The following UTRN variants were observed in gnomAD, a reference collection of about 807,000 sequenced individuals.
The protein encoded by UTRN is dystrophin-related protein 1.
A neutral mutation model predicts 463.9 loss-of-function variants in UTRN; 283 were observed. The ratio of observed to expected loss-of-function variants is 0.61; its 90% CI spans 0.55 to 0.67. The LOEUF is 0.67. UTRN is among the 30% of genes least tolerant of loss of function. The pLI, the probability that UTRN is intolerant of heterozygous loss-of-function variation, is 0.00. For synonymous variants in UTRN, 1,442 were observed against 1,431.5 expected, an observed-to-expected ratio of 1.01 and a Z score of -0.17; for missense variants, 3,922 against 4,084.3, an observed-to-expected ratio of 0.96 and a Z score of 1.08.
chr6:144,478,256 T>C lies in UTRN; in HGVS notation c.3337-1556T>C, dbSNP rs76996722. ...AAATAGAAAGTATATATTCTCAGGA[T>C]AATTAAAGATAATTTTGAGGGTGTT... is the stretch of plus-strand genomic sequence containing the variant. On this transcript the variant is annotated intron_variant, in intron 25 of 74. Transcript: ENST00000367545. Among the ~76,000 whole-genome samples, 1,290 of 152,340 alleles carry C rather than the reference T, an allele frequency of 8.5e-3. 15 individuals carry two copies. Among genetic ancestry groups the C allele is most frequent in the African/African-American group, 0.03 (1,231 of 41,570 alleles).
intron 55 of UTRN, among the ~76,000 whole-genome samples, chr6:144,749,113 G>T (rs1278990964): frequency 6.6e-6 from 1 of 152,040 alleles, no homozygotes; most frequent in Non-Finnish European, 1.5e-5. Context: ...GTAAGGAATT[G>T]CCCAAAGCTA....
chr6:144,356,740 G>A (rs1001364957), intron 2 of UTRN, among the ~76,000 whole-genome samples: 3 of 152,270 alleles, frequency 2.0e-5, no homozygotes, highest in East Asian at 3.9e-4. Flanking sequence ...TTGAATCTGG[G>A]AGGTGGAGGC....
At chr6:144,626,908 C>T (rs997351524) in intron 51 of UTRN, among the ~76,000 whole-genome samples, 1 of 152,204 alleles carries the variant, frequency 6.6e-6, no homozygotes, top group Non-Finnish European at 1.5e-5. Flanking sequence ...TTCTTATACA[C>T]AAATCACAGT....
chr6:144,643,977 C>T (rs1222414599), intron 51 of UTRN, among the ~76,000 whole-genome samples: 1 of 152,024 alleles, frequency 6.6e-6, no homozygotes, highest in African/African-American at 2.4e-5. Flanking sequence ...CATCATCTTC[C>T]TGAAAAAGGC....
At chr6:144,405,978 A>G (rs935772822) in intron 3 of UTRN, among the ~76,000 whole-genome samples, 1 of 152,268 alleles carries the variant, frequency 6.6e-6, no homozygotes. Context: ...ACGACTAGGT[A>G]AGTTGTGGAA....
At chr6:144,679,107 A>G (rs917843413) in intron 52 of UTRN, among the ~76,000 whole-genome samples, 25 of 152,240 alleles carry the variant, frequency 1.6e-4, no homozygotes, top group African/African-American at 6.0e-4. Flanking sequence ...TGCCTCATTC[A>G]AGATGTATTT....
chr6:144,650,841 G>A (rs759155332), intron 51 of UTRN, among the ~76,000 whole-genome samples: 7 of 152,032 alleles, frequency 4.6e-5, no homozygotes, highest in Non-Finnish European at 8.8e-5. Flanking sequence ...CCCAGGAGAC[G>A]GAGGTTGCAG....
intron 2 of UTRN, among the ~76,000 whole-genome samples, chr6:144,400,322 C>G (rs1472386609): frequency 6.6e-6 from 1 of 152,120 alleles, no homozygotes; most frequent in East Asian, 1.9e-4. Context: ...AACGAATTGG[C>G]TTGATAATGA....
intron 61 of UTRN, among the ~76,000 whole-genome samples, chr6:144,788,979 G>A (rs1330719980): frequency 1.3e-5 from 2 of 152,166 alleles, no homozygotes; most frequent in African/African-American, 4.8e-5. Flanking sequence ...CAAGCTGTGT[G>A]TTCTTCTAGC....
chr6:144,788,786 C>T (rs1776511577), intron 61 of UTRN, among the ~76,000 whole-genome samples: 2 of 152,188 alleles, frequency 1.3e-5, no homozygotes, highest in Admixed American at 6.5e-5. Context: ...TGGTCTCGAA[C>T]TCCTGACCTC....
chr6:144,829,726 T>C (rs1780500432), intron 69 of UTRN, among the ~76,000 whole-genome samples: 2 of 149,382 alleles, frequency 1.3e-5, no homozygotes, highest in Admixed American at 6.7e-5. Flanking sequence ...AAAAAAAAAC[T>C]ATGGAGAGTG....
intron 52 of UTRN, among the ~76,000 whole-genome samples, chr6:144,696,316 A>G (rs1784003514): frequency 6.6e-6 from 1 of 152,098 alleles, no homozygotes; most frequent in Admixed American, 6.5e-5. Context: ...CTATATCTAC[A>G]CTGGTTAATA....
intron 27 of UTRN, among the ~76,000 whole-genome samples, chr6:144,485,137 G>A (rs1792305345): frequency 6.6e-6 from 1 of 151,820 alleles, no homozygotes; most frequent in Admixed American, 6.6e-5. Context: ...TGTTAGCCAG[G>A]ATGGTCTTAA....
rs1379348645 is a variant in UTRN at position 144,759,327 on chromosome 6, T to A, written c.8495+1338T>A. 2.0e-5 allele frequency among the ~76,000 whole-genome samples: 3 copies of A among 152,106 alleles called. No individual in the cohort carries two copies. The East Asian group carries it at 5.8e-4, about 29-fold the overall frequency. ...GAAGATGTGATTATCTAACTGAAAA[T>A]GTTTAAAACTGTTTACATTTTTATT... On this transcript the variant is annotated intron_variant, in intron 58 of 74. Coordinates refer to ENST00000367545, the MANE Select transcript of UTRN (RefSeq NM_007124.3).
intron 23 of UTRN, 83 bp from the exon 24 acceptor site, chr6:144,473,637 T>G: frequency 1.0e-6 from 1 of 1,001,616 alleles, no homozygotes; most frequent in South Asian, 1.8e-5. Flanking sequence ...AAAAGTTCCT[T>G]TGTTCCAGTG....
At chr6:144,478,435 T>C (rs2128572033) in intron 25 of UTRN, among the ~76,000 whole-genome samples, 1 of 152,326 alleles carries the variant, frequency 6.6e-6, no homozygotes, top group South Asian at 2.1e-4. Flanking sequence ...TTTCTCTTTC[T>C]GTGTGTGTGC....
intron 2 of UTRN, among the ~76,000 whole-genome samples, chr6:144,380,833 A>T (rs185346396): frequency 1.3e-5 from 2 of 152,332 alleles, no homozygotes; most frequent in East Asian, 1.9e-4. Context: ...AAATTAAAGT[A>T]CAACATTTGG....
chr6:144,438,735 C>T lies in UTRN; in HGVS notation c.1242-10C>T. The T allele has an allele frequency of 6.2e-7, 1 of 1,613,970 alleles. No homozygotes were observed. The highest frequency in any genetic ancestry group is 8.5e-7 in the Non-Finnish European group (1 of 1,179,950). On this transcript the variant is annotated splice_polypyrimidine_tract_variant and intron_variant, in intron 11 of 74. Coordinates refer to ENST00000367545, the MANE Select transcript of UTRN (RefSeq NM_007124.3). ...GCTTGTAGGAATAATGCTGTGTTCC[C>T]CACGGACAGGCTGCACGATGTGCTG...
chr6:144,846,938 T>G, intron 74 of UTRN, 111 bp downstream of exon 74: 1 of 1,427,408 alleles, frequency 7.0e-7, no homozygotes, highest in Non-Finnish European at 9.8e-7. Context: ...ATAAGTAAAC[T>G]TACTTGACAT....
Sources: gnomAD v4.1 joint callset for allele counts (sites outside exome capture counted in the v4.1 genomes callset) on GRCh38, gnomAD v4.1.1 for gene constraint, MANE v1.5 for transcripts, NCBI Gene and HGNC (gene_info 2026-07-23, HGNC 2026-07-21) for gene names.